The following KCNQ5 variants were observed in gnomAD, a reference collection of about 807,000 sequenced individuals.
KCNQ5 encodes the protein potassium voltage-gated channel subfamily KQT member 5.
KCNQ5 carries 30 observed loss-of-function variants against 98.2 expected under a neutral mutation model. That is an observed-to-expected ratio of 0.31 (90% CI 0.23 to 0.41). KCNQ5 has a LOEUF of 0.41. Among genes scored for constraint, KCNQ5 ranks in the 10% least tolerant of loss-of-function variants. The probability of loss-of-function intolerance (pLI) is 1.00; values close to 1 mark genes in which losing one functional copy is unlikely to be tolerated. For synonymous variants in KCNQ5, 458 were observed against 449.4 expected, an observed-to-expected ratio of 1.02 and a Z score of -0.24; for missense variants, 835 against 1,182.5, an observed-to-expected ratio of 0.71 and a Z score of 4.31.
chr6:73,002,182 T>TA (rs1477427375), intron 1 of KCNQ5, among the ~76,000 whole-genome samples: 2 of 152,134 alleles, frequency 1.3e-5, no homozygotes, highest in Non-Finnish European at 2.9e-5. Context: ...TAACATCGTG[T>TA]ACTAGGTTTT....
intron 7 of KCNQ5, among the ~76,000 whole-genome samples, chr6:73,112,484 T>TA (rs2150428908): frequency 6.6e-6 from 1 of 152,210 alleles, no homozygotes; most frequent in East Asian, 1.9e-4. Context: ...TAGCTGGGAC[T>TA]ACAGGCACCC....
chr6:73,121,330 T>C (rs181765776), intron 8 of KCNQ5, among the ~76,000 whole-genome samples: 48 of 149,478 alleles, frequency 3.2e-4, no homozygotes, highest in African/African-American at 1.2e-3. Flanking sequence ...CACAGAGATC[T>C]GTAATTAAAA....
chr6:72,844,190 T>A (rs1776927541), intron 1 of KCNQ5, among the ~76,000 whole-genome samples: 1 of 152,160 alleles, frequency 6.6e-6, no homozygotes, highest in Non-Finnish European at 1.5e-5. Flanking sequence ...TAGTAACCAC[T>A]GCAAGACACA....
At chr6:73,086,844 G>A (rs1047898381) in intron 5 of KCNQ5, among the ~76,000 whole-genome samples, 3 of 152,142 alleles carry the variant, frequency 2.0e-5, no homozygotes, top group African/African-American at 7.2e-5. Context: ...CTCCAATGAG[G>A]GAGTATTTTG....
chr6:72,846,511 A>C (rs1205296854), intron 1 of KCNQ5, among the ~76,000 whole-genome samples: 1 of 138,220 alleles, frequency 7.2e-6, no homozygotes, highest in African/African-American at 3.3e-5. Flanking sequence ...TCATCTCTAC[A>C]GGGGAAAAAA....
chr6:72,634,812 C>T (rs1054654638), intron 1 of KCNQ5, among the ~76,000 whole-genome samples: 3 of 152,182 alleles, frequency 2.0e-5, no homozygotes, highest in Admixed American at 2.0e-4. Flanking sequence ...AGGTGATCCA[C>T]CTGCCTCAGC....
chr6:72,638,161 G>T (rs1425891602), intron 1 of KCNQ5, among the ~76,000 whole-genome samples: 1 of 152,186 alleles, frequency 6.6e-6, no homozygotes, highest in African/African-American at 2.4e-5. Context: ...CTATACAGTA[G>T]TTCAGGCTAC....
intron 7 of KCNQ5, among the ~76,000 whole-genome samples, chr6:73,113,425 T>C (rs1301496030): frequency 6.6e-6 from 1 of 152,228 alleles, no homozygotes; most frequent in Non-Finnish European, 1.5e-5. Flanking sequence ...CACATATCAA[T>C]TGTGATGATA....
intron 5 of KCNQ5, among the ~76,000 whole-genome samples, chr6:73,083,151 C>A (rs1773849308): frequency 6.6e-6 from 1 of 152,178 alleles, no homozygotes; most frequent in African/African-American, 2.4e-5. Flanking sequence ...GCCTTGGCCT[C>A]CCAAAGTGCT....
chr6:73,073,918 C>G (rs145664859), intron 3 of KCNQ5, among the ~76,000 whole-genome samples: 62 of 152,212 alleles, frequency 4.1e-4, no homozygotes, highest in African/African-American at 1.4e-3. Flanking sequence ...AAAATAAACT[C>G]TAATGGATGA....
intron 1 of KCNQ5, among the ~76,000 whole-genome samples, chr6:72,799,368 C>T (rs1211703073): frequency 6.6e-6 from 1 of 152,172 alleles, no homozygotes; most frequent in Non-Finnish European, 1.5e-5. Flanking sequence ...CTACAAAATG[C>T]CTTCACTGCA....
intron 1 of KCNQ5, among the ~76,000 whole-genome samples, chr6:72,679,818 G>A (rs922678242): frequency 1.3e-5 from 2 of 152,098 alleles, no homozygotes; most frequent in Admixed American, 6.5e-5. Flanking sequence ...TGGGCAGATC[G>A]CCCTAGGTCA....
intron 1 of KCNQ5, among the ~76,000 whole-genome samples, chr6:72,849,113 CAT>C (rs1562022709): frequency 8.0e-6 from 1 of 124,974 alleles, no homozygotes; most frequent in East Asian, 2.3e-4. Context: ...CGTATGTACA[CAT>C]ACACACACAC....
chr6:73,004,836 T>C (rs1181878508), intron 2 of KCNQ5, among the ~76,000 whole-genome samples: 1 of 152,144 alleles, frequency 6.6e-6, no homozygotes, highest in Non-Finnish European at 1.5e-5. Flanking sequence ...AGCCTAGGGG[T>C]ATACAGAAGC....
chr6:72,626,913 T>C (rs2098918238), intron 1 of KCNQ5, among the ~76,000 whole-genome samples: 1 of 152,204 alleles, frequency 6.6e-6, no homozygotes, highest in Admixed American at 6.5e-5. Context: ...TGATTCTGAC[T>C]TGGTTGATTT....
intron 1 of KCNQ5, among the ~76,000 whole-genome samples, chr6:72,942,008 C>G (rs1201707618): frequency 6.6e-6 from 1 of 151,994 alleles, no homozygotes; most frequent in Non-Finnish European, 1.5e-5. Context: ...GAGAGTTTAC[C>G]CAACCCATAA....
At chr6:73,005,340 C>T (rs1428515696) in intron 2 of KCNQ5, among the ~76,000 whole-genome samples, 4 of 152,158 alleles carry the variant, frequency 2.6e-5, no homozygotes, top group Non-Finnish European at 5.9e-5. Context: ...GCTTTTAGGT[C>T]CACATATGGA....
chr6:72,653,367 C>T (rs1245982730), intron 1 of KCNQ5, among the ~76,000 whole-genome samples: 1 of 151,974 alleles, frequency 6.6e-6, no homozygotes, highest in Non-Finnish European at 1.5e-5. Context: ...GTAATTTTAT[C>T]TCCATTTCTA....
chr6:72,860,825 T>C (rs1777732894), intron 1 of KCNQ5, among the ~76,000 whole-genome samples: 2 of 148,582 alleles, frequency 1.3e-5, no homozygotes, highest in Non-Finnish European at 3.0e-5. Flanking sequence ...CTCATCACTG[T>C]CCTTTTAAGG....
Sources: allele counts gnomAD v4.1 joint callset (sites outside exome capture counted in the v4.1 genomes callset), GRCh38; gene constraint gnomAD v4.1.1; transcripts MANE v1.5; gene names NCBI Gene and HGNC (gene_info 2026-07-23, HGNC 2026-07-21).